The following STXBP5L variants were observed in gnomAD, a reference collection of about 807,000 sequenced individuals.
STXBP5L encodes the protein syntaxin-binding protein 5-like.
A neutral mutation model predicts 144.5 loss-of-function variants in STXBP5L; 65 were observed. The ratio of observed to expected loss-of-function variants is 0.45; its 90% CI spans 0.37 to 0.55. STXBP5L has a LOEUF of 0.55. Ranked by LOEUF, STXBP5L falls within the 20% of genes least tolerant of loss-of-function variation. STXBP5L has a pLI of 0.00. For synonymous variants in STXBP5L, 505 were observed against 469.6 expected, an observed-to-expected ratio of 1.08 and a Z score of -0.97; for missense variants, 1,298 against 1,405.5, an observed-to-expected ratio of 0.92 and a Z score of 1.22.
At chr3:120,932,158 G>T (rs187205925) in intron 2 of STXBP5L, among the ~76,000 whole-genome samples, 7 of 152,164 alleles carry the variant, frequency 4.6e-5, no homozygotes, top group Admixed American at 4.6e-4. Context: ...AAAAATTATG[G>T]TATTATAATT....
chr3:121,195,714 A>T (rs530014138), intron 9 of STXBP5L, among the ~76,000 whole-genome samples: 30 of 152,356 alleles, frequency 2.0e-4, no homozygotes, highest in African/African-American at 6.5e-4. Context: ...GAAGTCAGTG[A>T]GCAGTGGGGA....
intron 3 of STXBP5L, among the ~76,000 whole-genome samples, chr3:121,023,889 G>T (rs538794091): frequency 6.6e-5 from 10 of 152,018 alleles, no homozygotes; most frequent in Non-Finnish European, 7.4e-5. Context: ...CCAAGTAGCT[G>T]GGACTACAGG....
At chr3:121,094,836 G>C (rs191942978) in intron 5 of STXBP5L, among the ~76,000 whole-genome samples, 1 of 151,840 alleles carries the variant, frequency 6.6e-6, no homozygotes, top group East Asian at 1.9e-4. Flanking sequence ...TGGTTATTTT[G>C]CTCGTTAGTT....
intron 19 of STXBP5L, among the ~76,000 whole-genome samples, chr3:121,289,347 A>C (rs954992414): frequency 7.2e-5 from 11 of 152,164 alleles, no homozygotes; most frequent in Admixed American, 7.2e-4. Flanking sequence ...CAACGGGAAA[A>C]TATAACAATT....
chr3:121,125,149 C>G (rs2044647488), intron 7 of STXBP5L, among the ~76,000 whole-genome samples: 1 of 152,092 alleles, frequency 6.6e-6, no homozygotes, highest in East Asian at 1.9e-4. Flanking sequence ...AAGGAACAAA[C>G]TGCTAAAGTT....
At chr3:121,157,787 C>A in intron 9 of STXBP5L, 160 bp downstream of exon 9, 1 of 941,706 alleles carries the variant, frequency 1.1e-6, no homozygotes, top group Non-Finnish European at 1.5e-6. Flanking sequence ...CAACATTGTA[C>A]CCCAAACTTT....
intron 14 of STXBP5L, among the ~76,000 whole-genome samples, chr3:121,241,161 TG>T (rs753995433): frequency 2.8e-4 from 43 of 152,012 alleles, no homozygotes; most frequent in Non-Finnish European, 5.6e-4. Flanking sequence ...GAGAATGACA[TG>T]GAAGTCAGTT....
At chr3:121,024,701 G>C (rs1442463828) in intron 3 of STXBP5L, among the ~76,000 whole-genome samples, 1 of 152,036 alleles carries the variant, frequency 6.6e-6, no homozygotes, top group East Asian at 1.9e-4. Flanking sequence ...AGTAGAAAAC[G>C]TTAAGAGGTT....
chr3:121,079,348 T>A (rs1345343281), intron 5 of STXBP5L, among the ~76,000 whole-genome samples: 2 of 152,344 alleles, frequency 1.3e-5, no homozygotes, highest in Non-Finnish European at 2.9e-5. Flanking sequence ...CTTATTGGTC[T>A]TGTGACACTG....
chr3:121,100,558 A>G (rs1234374504), intron 5 of STXBP5L, among the ~76,000 whole-genome samples: 1 of 152,174 alleles, frequency 6.6e-6, no homozygotes, highest in Admixed American at 6.6e-5. Flanking sequence ...GAAAACAGAG[A>G]CATGACTTAC....
chr3:120,974,737 A>T (rs1940736113), intron 3 of STXBP5L, among the ~76,000 whole-genome samples: 2 of 152,246 alleles, frequency 1.3e-5, no homozygotes, highest in South Asian at 2.1e-4. Flanking sequence ...TAAGGAAGAG[A>T]TCCAGTTTCA....
chr3:121,102,436 A>G (rs1336195417), intron 5 of STXBP5L, among the ~76,000 whole-genome samples: 2 of 152,186 alleles, frequency 1.3e-5, no homozygotes, highest in Non-Finnish European at 2.9e-5. Flanking sequence ...ATCTTTGACA[A>G]AGTCAACAAA....
chr3:121,087,485 A>G (rs1418606054), intron 5 of STXBP5L, among the ~76,000 whole-genome samples: 1 of 152,026 alleles, frequency 6.6e-6, no homozygotes, highest in East Asian at 1.9e-4. Context: ...CTAACATAAT[A>G]TAGTGTCTTC....
At chr3:121,041,500 C>A (rs374385148) in intron 3 of STXBP5L, among the ~76,000 whole-genome samples, 200 bp from the exon 4 acceptor site, 37 of 151,868 alleles carry the variant, frequency 2.4e-4, no homozygotes, top group African/African-American at 8.9e-4. Flanking sequence ...TATTGTCATT[C>A]TTTTTTTCAA....
At chr3:121,009,657 G>C (rs1944623209) in intron 3 of STXBP5L, among the ~76,000 whole-genome samples, 1 of 151,934 alleles carries the variant, frequency 6.6e-6, no homozygotes, top group South Asian at 2.1e-4. Flanking sequence ...CAATAATGGT[G>C]CAATTAGAGA....
intron 2 of STXBP5L, among the ~76,000 whole-genome samples, chr3:120,942,962 A>C (rs1202415210): frequency 1.3e-5 from 2 of 151,642 alleles, no homozygotes; most frequent in Non-Finnish European, 3.0e-5. Context: ...CCAGAACCTA[A>C]TGATATAATC....
chr3:121,160,979 A>G lies in STXBP5L; in HGVS notation c.877+3352A>G, dbSNP rs139181528. On this transcript the variant is annotated intron_variant, in intron 9 of 26. Coordinates refer to ENST00000471454, the MANE Select transcript of STXBP5L (RefSeq NM_001308330.2). The stretch of plus-strand genomic sequence containing the variant: ...GCAAATCTTGTAACCATGTAGATCT[A>G]TTTCTCTTCCCCTACTGTCCTTTAC... Among the ~76,000 whole-genome samples, 110 of 151,906 alleles carry G rather than the reference A, an allele frequency of 7.2e-4. No homozygotes were observed. In the East Asian group the frequency reaches 9.3e-3, roughly 13 times the overall value.
chr3:120,951,283 A>C lies in STXBP5L; in HGVS notation c.190-3657A>C, dbSNP rs1711204585. Among the ~76,000 whole-genome samples the C allele has an allele frequency of 3.3e-5, 5 of 152,326 alleles. No homozygotes were observed. In the South Asian group the frequency reaches 1.0e-3, roughly 32 times the overall value. Reference sequence around the variant, plus strand: ...CTAAAACACCAAAAGCAATGGCAACAAAAGCCAAAATTGACAAATGCGATC... The same window carrying C: ...CTAAAACACCAAAAGCAATGGCAACCAAAGCCAAAATTGACAAATGCGATC... On this transcript the variant is annotated intron_variant, in intron 2 of 26. Coordinates refer to ENST00000471454, the MANE Select transcript of STXBP5L (RefSeq NM_001308330.2).
chr3:121,069,661 A>G (rs1340339150), intron 5 of STXBP5L, among the ~76,000 whole-genome samples: 1 of 151,852 alleles, frequency 6.6e-6, no homozygotes, highest in Non-Finnish European at 1.5e-5. Context: ...TGTGACATCT[A>G]GGTCACGTCT....
Sources: allele counts gnomAD v4.1 joint callset (sites outside exome capture counted in the v4.1 genomes callset), GRCh38; gene constraint gnomAD v4.1.1; transcripts MANE v1.5; gene names NCBI Gene and HGNC (gene_info 2026-07-23, HGNC 2026-07-21).